Variants in CDC42BPA observed in about 807,000 individuals in gnomAD.
CDC42BPA encodes CDC42 binding protein kinase alpha, also known as serine/threonine-protein kinase MRCK alpha.
In CDC42BPA, 80 loss-of-function variants were observed where a neutral mutation model predicts 223.5. The ratio of observed to expected loss-of-function variants is 0.36; its 90% CI spans 0.30 to 0.43. The LOEUF (loss-of-function observed/expected upper bound fraction) is 0.43. Ranked by LOEUF, CDC42BPA falls within the 20% of genes least tolerant of loss-of-function variation. The probability of loss-of-function intolerance (pLI) is 1.00; values close to 1 mark genes in which losing one functional copy is unlikely to be tolerated. For missense variants in CDC42BPA, 1,743 were observed against 2,099.9 expected, an observed-to-expected ratio of 0.83 and a Z score of 3.32; for synonymous variants, 694 against 718.6, an observed-to-expected ratio of 0.97 and a Z score of 0.55.
At chr1:227,152,098 T>G (rs1661884076) in intron 6 of CDC42BPA, among the ~76,000 whole-genome samples, 1 of 152,162 alleles carries the variant, frequency 6.6e-6, no homozygotes, top group African/African-American at 2.4e-5. Context: ...TGTTGCTGAC[T>G]TGTAGGAGTT....
At chr1:227,027,509 A>T (rs1668481704) in intron 30 of CDC42BPA, among the ~76,000 whole-genome samples, 1 of 152,178 alleles carries the variant, frequency 6.6e-6, no homozygotes, top group Admixed American at 6.5e-5. Context: ...TCCCATATAG[A>T]CAACTTTTCC....
rs748911889 is a variant in CDC42BPA at position 227,011,104 on chromosome 1, G to C, written c.4857+4976C>G. On this transcript the variant is annotated intron_variant, in intron 34 of 36. Transcript: ENST00000366766. ...GAAAGATGAAAAAAGGCAATAAGGTGATGAAAATGGATTCACATTTCACAA... is the reference window on the plus strand; with the variant it reads ...GAAAGATGAAAAAAGGCAATAAGGTCATGAAAATGGATTCACATTTCACAA... 2 of 1,109,328 alleles carry C rather than the reference G, an allele frequency of 1.8e-6. 1 individual carries two copies. The highest frequency in any genetic ancestry group is 2.9e-5 in the South Asian group (2 of 68,624). The allele number at this position is 1,109,328 out of a possible 1,614,324, so 68.7% of individuals were successfully genotyped here. A position where few individuals can be genotyped will look rare whatever the true frequency, so the allele number is the denominator to read the frequency against.
At chr1:227,121,689 T>C (rs1015492020) in intron 11 of CDC42BPA, among the ~76,000 whole-genome samples, 1 of 152,192 alleles carries the variant, frequency 6.6e-6, no homozygotes, top group Non-Finnish European at 1.5e-5. Flanking sequence ...TTATCAAATT[T>C]TGGCATTTCA....
intron 3 of CDC42BPA, among the ~76,000 whole-genome samples, chr1:227,208,500 A>C (rs1459435468): frequency 6.7e-6 from 1 of 148,174 alleles, no homozygotes; most frequent in African/African-American, 2.5e-5. Context: ...TCTAACGTTT[A>C]AGTCTTTAAT....
rs374989260 is a variant in CDC42BPA, at chr1:226,994,562, G to A, written c.5134-163C>T. 1.2e-4 allele frequency among the ~76,000 whole-genome samples: 18 copies of A among 152,086 alleles called. No individual in the cohort carries two copies. The East Asian group carries it at 2.5e-3, about 21-fold the overall frequency. On this transcript the variant is annotated intron_variant, in intron 36 of 36. Transcript: ENST00000366766. This position sits in a 1 kb window ranked among gnomAD's most constrained non-coding sequence, Gnocchi z 4.0. ...CTTCTATGAGCTGAGGAAGAGGCACGGAACATACAAGCTCCGTCCTTTCTG... is the reference window on the plus strand; with the variant it reads ...CTTCTATGAGCTGAGGAAGAGGCACAGAACATACAAGCTCCGTCCTTTCTG...
At chr1:227,048,753 GAAA>G (rs34655609) in intron 22 of CDC42BPA, among the ~76,000 whole-genome samples, 2 of 112,554 alleles carry the variant, frequency 1.8e-5, no homozygotes, top group Admixed American at 9.2e-5. Flanking sequence ...AAAGTAGTGA[GAAA>G]AAAAAAAAAA....
intron 2 of CDC42BPA, among the ~76,000 whole-genome samples, chr1:227,225,196 G>A (rs975847965): frequency 1.3e-5 from 2 of 152,124 alleles, no homozygotes; most frequent in Non-Finnish European, 2.9e-5. Flanking sequence ...TGTTACCTGT[G>A]AATAGAAATA....
chr1:227,045,354 G>A (rs1672226978), intron 23 of CDC42BPA, among the ~76,000 whole-genome samples: 1 of 152,120 alleles, frequency 6.6e-6, no homozygotes. Context: ...TCCTGAATAT[G>A]TGGATGTGAT....
In CDC42BPA at chr1:226,990,085, A is replaced by G. The variant is rs1660536938; in HGVS notation, c.*4183T>C. The G allele has an allele frequency of 6.6e-6, 1 of 152,476 alleles. No homozygotes were observed. Among genetic ancestry groups the G allele is most frequent in the African/African-American group, 2.4e-5 (1 of 41,454 alleles). 9.4% of individuals were successfully genotyped at this position (152,476 alleles called of 1,614,324 possible). A position where few individuals can be genotyped will look rare whatever the true frequency, so the allele number is the denominator to read the frequency against. On this transcript the variant is annotated 3_prime_UTR_variant, in exon 37 of 37. Coordinates refer to ENST00000366766, the MANE Select transcript of CDC42BPA (RefSeq NM_001394014.1). ...ACCAAACAAAATAAAATAAGGAGTG[A>G]TAGGCTAAAGCAGTATCTTCCCCTC...
chr1:227,179,775 A>C (rs1667630180), intron 5 of CDC42BPA, among the ~76,000 whole-genome samples: 1 of 39,756 alleles, frequency 2.5e-5, no homozygotes, highest in Admixed American at 1.8e-4. Context: ...AAAGGGCAAA[A>C]AAGTTTGAAA....
At position 227,031,472 on chromosome 1, in the gene CDC42BPA, T is replaced by C. The variant is rs1193452368; in HGVS notation, c.3601A>G (p.Ile1201Val). The change falls in exon 28 of 37, where the codon ATC becomes GTC. Residue 1201 changes from isoleucine to valine, a missense_variant. Physicochemically the swap from Ile to Val is conservative, Grantham distance 29. Around this residue, in one of 6 missense-constraint regions of CDC42BPA, gnomAD observed 678 missense variants for 777.5 expected, o/e 0.87. Transcript: ENST00000366766. ...TTCTCAGTGTCTGCTAGCATCAGGA[T>C]TGAACATTTGTTATTAGATGCTGAG... ...QLSASNNKCS[I>V]LMLADTENEK... 9 of 1,614,004 alleles carry C rather than the reference T, an allele frequency of 5.6e-6. No homozygotes were observed. In the African/African-American group the frequency reaches 8.0e-5, roughly 14 times the overall value.
intron 2 of CDC42BPA, among the ~76,000 whole-genome samples, chr1:227,226,475 G>C (rs75377233): frequency 0.097 from 14,815 of 152,190 alleles, 848 homozygotes; most frequent in Middle Eastern, 0.16. Context: ...TCCATAGATG[G>C]AAAGTATCAA....
intron 3 of CDC42BPA, among the ~76,000 whole-genome samples, chr1:227,210,594 T>C (rs1572388546): frequency 6.6e-6 from 1 of 152,326 alleles, no homozygotes; most frequent in East Asian, 1.9e-4. Flanking sequence ...CTTCCAGCTG[T>C]AATGAAAGCT....
chr1:227,316,935 ACT>A (rs1207241180), intron 1 of CDC42BPA, 68 bp downstream of exon 1: 1 of 1,159,962 alleles, frequency 8.6e-7, no homozygotes, highest in African/African-American at 1.5e-5. Context: ...TTTACTCATA[ACT>A]CTCTATACCA....
chr1:227,277,162 AAATGTACGCC>A lies in CDC42BPA; in HGVS notation c.179-23017_179-23008del, dbSNP rs546040719. Among the ~76,000 whole-genome samples, 522 of 152,286 alleles carry A rather than the reference AAATGTACGCC, an allele frequency of 3.4e-3. 2 individuals carry two copies. Among genetic ancestry groups the A allele is most frequent in the African/African-American group, 0.012 (491 of 41,560 alleles). On this transcript the variant is annotated intron_variant, in intron 1 of 36. Coordinates refer to ENST00000366766, the MANE Select transcript of CDC42BPA (RefSeq NM_001394014.1). Reference sequence around the variant, plus strand: ...AAACAGAAAAACAATCATTGTGAAAAAATGTACGCCAATAAACTTTAAAATTAAAAGTGGG... The same window carrying A: ...AAACAGAAAAACAATCATTGTGAAAAAATAAACTTTAAAATTAAAAGTGGG...
chr1:227,163,884 G>T (rs1284762731), intron 5 of CDC42BPA, among the ~76,000 whole-genome samples: 1 of 151,836 alleles, frequency 6.6e-6, no homozygotes, highest in Non-Finnish European at 1.5e-5. Flanking sequence ...AATCTACCGG[G>T]GATTAATTTT....
intron 21 of CDC42BPA, among the ~76,000 whole-genome samples, chr1:227,063,688 T>C (rs1408160387): frequency 1.3e-5 from 2 of 152,116 alleles, no homozygotes; most frequent in Non-Finnish European, 2.9e-5. Flanking sequence ...TGAGCAAATT[T>C]CAGGAATGCC....
chr1:227,025,338 G>A (rs1668062498), intron 31 of CDC42BPA, among the ~76,000 whole-genome samples: 1 of 152,078 alleles, frequency 6.6e-6, no homozygotes, highest in African/African-American at 2.4e-5. Flanking sequence ...TAGATAATCT[G>A]GCAGTATTTA....
intron 1 of CDC42BPA, among the ~76,000 whole-genome samples, chr1:227,274,987 C>T (rs1686666664): frequency 6.6e-6 from 1 of 152,146 alleles, no homozygotes; most frequent in Non-Finnish European, 1.5e-5. Context: ...GTAATTTTAA[C>T]ACCTGTCTCA....
Sources: gnomAD v4.1 joint callset for allele counts (sites outside exome capture counted in the v4.1 genomes callset) on GRCh38, gnomAD v4.1.1 for gene constraint, gnomAD v4.1.1 regional missense constraint, Gnocchi (gnomAD v3.1) non-coding constraint, MANE v1.5 for transcripts, NCBI Gene and HGNC (gene_info 2026-07-23, HGNC 2026-07-21) for gene names.